CHN1: variants seen among roughly 807,000 people sequenced by gnomAD.
The protein encoded by CHN1 is chimerin 1, also known as N-chimaerin.
In CHN1, 37 loss-of-function variants were observed where a neutral mutation model predicts 59.5. The observed-to-expected ratio is 0.62, with a 90% CI of 0.48 to 0.82. The LOEUF is 0.82. CHN1 is among the 40% of genes least tolerant of loss of function. The pLI, the probability that CHN1 is intolerant of heterozygous loss-of-function variation, is 0.00. For missense variants in CHN1, 469 were observed against 571.0 expected, an observed-to-expected ratio of 0.82 and a Z score of 1.82; for synonymous variants, 206 against 200.4, an observed-to-expected ratio of 1.03 and a Z score of -0.24.
intron 1 of CHN1, among the ~76,000 whole-genome samples, chr2:174,968,938 A>T (rs1056041574): frequency 2.0e-5 from 3 of 152,240 alleles, no homozygotes; most frequent in African/African-American, 7.2e-5. Context: ...TCAATGTAAG[A>T]ATATTTAGTC....
rs564273739 is a variant in CHN1 at position 174,911,583 on chromosome 2, C to A, written c.260+3475G>T. Among the ~76,000 whole-genome samples the A allele has an allele frequency of 2.6e-5, 4 of 152,262 alleles. No homozygotes were observed. In the East Asian group the frequency reaches 7.7e-4, roughly 29 times the overall value. ...GCCTAAAATTTAGGCTGAGATGGGG[C>A]ATGGAAGAAGATGCAAATGAAGAGC... On this transcript the variant is annotated intron_variant, in intron 5 of 12. Transcript: ENST00000409900.
chr2:174,802,028 T>C, intron 11 of CHN1: 1 of 403,994 alleles, frequency 2.5e-6, no homozygotes, highest in South Asian at 2.4e-5. Context: ...ACTTGGACTT[T>C]TGGGGATGGA....
chr2:174,956,695 C>T (rs1013960503), intron 1 of CHN1, among the ~76,000 whole-genome samples: 1 of 151,650 alleles, frequency 6.6e-6, no homozygotes, highest in African/African-American at 2.4e-5. Flanking sequence ...CTGCTTGAAC[C>T]CAGTGGGCAG....
Position 174,799,641 on chromosome 2 carries a change from T to C in CHN1, c.*475A>G, listed in dbSNP as rs1250479888. ...ATTTGTAAAATGTAGGCATGTGATATGGTTTATGGTAATGTAACAGCCAGA... is the reference window on the plus strand; with the variant it reads ...ATTTGTAAAATGTAGGCATGTGATACGGTTTATGGTAATGTAACAGCCAGA... On this transcript the variant is annotated 3_prime_UTR_variant, in exon 13 of 13. Transcript: ENST00000409900. The C allele has an allele frequency of 1.9e-6, 1 of 531,540 alleles. No individual in the cohort carries two copies. The highest frequency in any genetic ancestry group is 4.0e-5 in the East Asian group (1 of 25,272). 32.9% of individuals were successfully genotyped at this position (531,540 alleles called of 1,614,324 possible).
chr2:174,847,792 AAAAAAAAAAT>A, intron 6 of CHN1: 1 of 581,808 alleles, frequency 1.7e-6, no homozygotes. Context: ...AAAAAAAAAA[AAAAAAAAAAT>A]CAGTGGGAAG....
In CHN1 at chr2:174,915,142, G is replaced by A; in HGVS notation, c.176C>T (p.Ala59Val). 6.2e-7 allele frequency: 1 copy of A among 1,611,488 alleles called. No individual in the cohort carries two copies. ...CTCAGCCACAATCAAGAGCTGGTCG[G>A]CTGCTTCTCTGGAGATCATGCCATG... ...EFHGMISREA[A>V]DQLLIVAEGS... The change falls in exon 5 of 13, where the codon GCC becomes GTC. Residue 59 changes from alanine to valine, a missense_variant. Physicochemically the swap from Ala to Val is moderately conservative, Grantham distance 64. Around this residue, in one of 5 missense-constraint regions of CHN1, gnomAD observed 152 missense variants for 166.1 expected, o/e 0.92. Coordinates refer to ENST00000409900, the MANE Select transcript of CHN1 (RefSeq NM_001822.7).
chr2:174,851,934 C>T (rs1002990574), intron 6 of CHN1, among the ~76,000 whole-genome samples: 1 of 152,064 alleles, frequency 6.6e-6, no homozygotes, highest in Non-Finnish European at 1.5e-5. Context: ...GTACAAAAAT[C>T]AGTAGCATTT....
chr2:174,973,827 A>G (rs774155668), intron 1 of CHN1, among the ~76,000 whole-genome samples: 2 of 152,234 alleles, frequency 1.3e-5, no homozygotes, highest in Non-Finnish European at 2.9e-5. Flanking sequence ...TATTGTTATT[A>G]TTATTACCAT....
At chr2:174,999,123 A>T (rs1691804428) in intron 1 of CHN1, among the ~76,000 whole-genome samples, 1 of 151,678 alleles carries the variant, frequency 6.6e-6, no homozygotes, top group Non-Finnish European at 1.5e-5. Context: ...CTGTTTCCTT[A>T]GTTTTGTCCT....
intron 7 of CHN1, among the ~76,000 whole-genome samples, chr2:174,828,618 T>C (rs1685771395): frequency 6.6e-6 from 1 of 152,242 alleles, no homozygotes; most frequent in Admixed American, 6.5e-5. Flanking sequence ...CTAGACGTTG[T>C]TGTATTTTAA....
intron 5 of CHN1, among the ~76,000 whole-genome samples, chr2:174,888,707 C>A (rs1574130350): frequency 6.6e-6 from 1 of 152,188 alleles, no homozygotes; most frequent in African/African-American, 2.4e-5. Context: ...CACAGCTAAG[C>A]TCTTCTTGCA....
chr2:174,915,250 C>G, intron 4 of CHN1, 79 bp from the exon 5 acceptor site: 1 of 1,031,460 alleles, frequency 9.7e-7, no homozygotes, highest in Non-Finnish European at 1.5e-6. Flanking sequence ...CCCACCACCA[C>G]CACCTTCTCT....
intron 7 of CHN1, among the ~76,000 whole-genome samples, chr2:174,839,439 C>T (rs1009186135): frequency 5.3e-5 from 8 of 152,118 alleles, no homozygotes; most frequent in Non-Finnish European, 8.8e-5. Context: ...ACAAATATTG[C>T]ATGATTCCAC....
intron 1 of CHN1, among the ~76,000 whole-genome samples, chr2:174,957,349 G>A (rs62184799): frequency 0.32 from 48,604 of 150,916 alleles, 9,065 homozygotes; most frequent in Admixed American, 0.46. Context: ...GCCTTGCTTG[G>A]CCACAGCCGG....
chr2:174,854,557 A>C (rs1473744566), intron 6 of CHN1, among the ~76,000 whole-genome samples: 1 of 152,206 alleles, frequency 6.6e-6, no homozygotes, highest in African/African-American at 2.4e-5. Context: ...GGGGCCAGAC[A>C]AAAGTGCTAA....
chr2:175,005,351 G>T lies in CHN1; in HGVS notation c.-439C>A, dbSNP rs371647717. The T allele has an allele frequency of 5.0e-5, 57 of 1,141,186 alleles. No homozygotes were observed. The East Asian group carries it at 3.2e-3, about 64-fold the overall frequency. The allele number at this position is 1,141,186 out of a possible 1,614,324, so 70.7% of individuals were successfully genotyped here. ...CGCTCACTCCGCATCCCGCGGCCTC[G>T]CAGACGCCATCTTGCGATAGCGTCT... is the stretch of plus-strand genomic sequence containing the variant. On this transcript the variant is annotated 5_prime_UTR_variant, in exon 1 of 13. Coordinates refer to ENST00000409900, the MANE Select transcript of CHN1 (RefSeq NM_001822.7).
chr2:174,933,850 T>C (rs1193623), intron 3 of CHN1, among the ~76,000 whole-genome samples: 7,340 of 152,254 alleles, frequency 0.048, 578 homozygotes, highest in African/African-American at 0.17. Flanking sequence ...ACCTATGAGG[T>C]TAAGCAAGAA....
chr2:175,001,962 A>G (rs913675606), intron 1 of CHN1, among the ~76,000 whole-genome samples: 2 of 152,254 alleles, frequency 1.3e-5, no homozygotes, highest in African/African-American at 4.8e-5. Flanking sequence ...AAGTTCTCAC[A>G]AAGCCTATAC....
chr2:174,950,419 A>C (rs1218022451), intron 2 of CHN1, among the ~76,000 whole-genome samples: 1 of 151,890 alleles, frequency 6.6e-6, no homozygotes, highest in Admixed American at 6.6e-5. Context: ...GGCATGCACC[A>C]CTACACCCAG....
Sources: allele counts gnomAD v4.1 joint callset (sites outside exome capture counted in the v4.1 genomes callset), GRCh38; gene constraint gnomAD v4.1.1; regional missense constraint gnomAD v4.1.1; transcripts MANE v1.5; gene names NCBI Gene and HGNC (gene_info 2026-07-23, HGNC 2026-07-21).